Variants in TBX5 observed in about 807,000 individuals in gnomAD.
TBX5 encodes the protein T-box transcription factor 5.
TBX5 carries 8 observed loss-of-function variants against 51.1 expected under a neutral mutation model. The ratio of observed to expected loss-of-function variants is 0.16; its 90% CI spans 0.09 to 0.28. The LOEUF (loss-of-function observed/expected upper bound fraction) is 0.28. Among genes scored for constraint, TBX5 ranks in the 10% least tolerant of loss-of-function variants. The pLI is 1.00. For missense variants in TBX5, 589 were observed against 671.7 expected (o/e 0.88, Z 1.36); for synonymous variants, 302 against 266.4 (o/e 1.13, Z -1.30).
rs371970836 is a variant in TBX5, at chr12:114,385,656, G to GAAATGC, written c.664-95_664-90dup. On this transcript the variant is annotated intron_variant, in intron 6 of 8. Transcript: ENST00000405440. Reference sequence around the variant, plus strand: ...ACATGAGCTAATAATAAATATCATGGAAATGCAGCCTCTGGCAACCAAAAG... The same window carrying GAAATGC: ...ACATGAGCTAATAATAAATATCATGGAAATGCAAATGCAGCCTCTGGCAACCAAAAG... 518 of 1,123,404 alleles carry GAAATGC rather than the reference G, an allele frequency of 4.6e-4. 2 individuals are homozygous for GAAATGC. The African/African-American group carries it at 6.4e-3, about 14-fold the overall frequency. 69.6% of individuals were successfully genotyped at this position (1,123,404 alleles called of 1,614,324 possible). A position where few individuals can be genotyped will look rare whatever the true frequency, so the allele number is the denominator to read the frequency against.
intron 7 of TBX5, among the ~76,000 whole-genome samples, chr12:114,383,676 G>A (rs1175652499): frequency 6.6e-6 from 1 of 152,220 alleles, no homozygotes; most frequent in African/African-American, 2.4e-5. Flanking sequence ...CACCCTGGCA[G>A]AAGGGGGCTG....
At chr12:114,401,693 C>T in intron 3 of TBX5, 133 bp downstream of exon 3, 1 of 812,090 alleles carries the variant, frequency 1.2e-6, no homozygotes, top group Non-Finnish European at 2.1e-6. Flanking sequence ...CCTCTCCTCT[C>T]CTTTCTCTTC....
intron 6 of TBX5, among the ~76,000 whole-genome samples, chr12:114,393,041 C>T (rs1401537870): frequency 6.6e-6 from 1 of 152,158 alleles, no homozygotes; most frequent in African/African-American, 2.4e-5. Context: ...TTGGCCTGTT[C>T]ACAGACAATC....
intron 7 of TBX5, among the ~76,000 whole-genome samples, chr12:114,381,227 T>C (rs1310825763): frequency 6.6e-6 from 1 of 152,216 alleles, no homozygotes; most frequent in Non-Finnish European, 1.5e-5. Flanking sequence ...AAGGTAATGC[T>C]TAACTCTCTG....
At chr12:114,389,690 C>G (rs1871044550) in intron 6 of TBX5, among the ~76,000 whole-genome samples, 1 of 126,816 alleles carries the variant, frequency 7.9e-6, no homozygotes, top group African/African-American at 3.0e-5. Context: ...GGAGGCGGAG[C>G]TTGCAGTGAG....
chr12:114,355,811 G>A lies in TBX5; in HGVS notation c.1278C>T (p.Phe426=), dbSNP rs751745926. The change falls in exon 9 of 9, where the codon TTC becomes TTT. Residue 426 remains phenylalanine (F), a synonymous_variant. Transcript: ENST00000405440. ...GGGGCCCCGAGGTGAAGTGAGCGGA[G>A]AAGTGCTGGTAGGGTAGCCTGTCCA... ...QPMDRLPYQH[F]SAHFTSGPLV... 1 of 1,614,146 alleles carries A rather than the reference G, an allele frequency of 6.2e-7. No homozygotes were observed.
chr12:114,396,402 G>T (rs1487709707), intron 5 of TBX5, among the ~76,000 whole-genome samples: 2 of 152,060 alleles, frequency 1.3e-5, no homozygotes, highest in African/African-American at 4.8e-5. Flanking sequence ...TCAGCGCGAG[G>T]GCGATCTAAT....
At chr12:114,394,984 T>G (rs1194656552) in intron 5 of TBX5, 91 bp from the exon 6 acceptor site, 9 of 1,302,924 alleles carry the variant, frequency 6.9e-6, no homozygotes, top group Non-Finnish European at 9.8e-6. Context: ...TAAATTCGCC[T>G]TGTTATATCG....
At chr12:114,399,488 C>T (rs1871657362) in intron 4 of TBX5, 25 bp downstream of exon 4, 3 of 1,613,882 alleles carry the variant, frequency 1.9e-6, no homozygotes, top group East Asian at 2.2e-5. Context: ...TCTCTCCCCG[C>T]TCCACCTGCC....
chr12:114,358,098 G>A (rs1869021293), intron 8 of TBX5, among the ~76,000 whole-genome samples: 1 of 152,238 alleles, frequency 6.6e-6, no homozygotes, highest in Admixed American at 6.5e-5. Context: ...AGAAGGAACA[G>A]AGGCTGGAAT....
intron 3 of TBX5, among the ~76,000 whole-genome samples, chr12:114,400,735 T>G (rs372144086): frequency 1.3e-5 from 2 of 152,316 alleles, no homozygotes; most frequent in South Asian, 4.2e-4. Flanking sequence ...CTTTCCTTCC[T>G]GGGGGAATAG....
At chr12:114,359,104 T>C (rs1259505378) in intron 8 of TBX5, among the ~76,000 whole-genome samples, 2 of 152,104 alleles carry the variant, frequency 1.3e-5, no homozygotes, top group Non-Finnish European at 2.9e-5. Flanking sequence ...GGAAGAATAA[T>C]AAGAAAACGG....
At position 114,366,182 on chromosome 12, in the gene TBX5, T is replaced by C. The variant is rs759009256; in HGVS notation, c.965A>G (p.His322Arg). ...ACACTCACCTTTCCTCTTGGTACAA[T>C]GGTAAATTTGGCTATGCTCCTGGGG... is the stretch of plus-strand genomic sequence containing the variant. ...PLPQEHSQIY[H>R]CTKRKEEECS... Residue 322 changes from histidine to arginine, a missense_variant, in exon 8 of 9, where the codon CAT (histidine) becomes CGT (arginine). Transcript: ENST00000405440. 8 of 1,614,066 alleles carry C rather than the reference T, an allele frequency of 5.0e-6. No individual in the cohort carries two copies. Among genetic ancestry groups the C allele is most frequent in the East Asian group, 2.2e-5 (1 of 44,880 alleles).
At chr12:114,380,614 G>A (rs747924332) in intron 7 of TBX5, among the ~76,000 whole-genome samples, 8 of 151,978 alleles carry the variant, frequency 5.3e-5, no homozygotes, top group African/African-American at 1.9e-4. Context: ...AGGACATGAG[G>A]ATTGCTTGAG....
At chr12:114,358,717 T>TTGAAAAC (rs1869058521) in intron 8 of TBX5, among the ~76,000 whole-genome samples, 4 of 152,324 alleles carry the variant, frequency 2.6e-5, no homozygotes, top group African/African-American at 7.2e-5. Flanking sequence ...ATGCAGATGT[T>TTGAAAAC]TGAAAACATC....
At chr12:114,379,226 C>G (rs565479840) in intron 7 of TBX5, among the ~76,000 whole-genome samples, 28 of 152,314 alleles carry the variant, frequency 1.8e-4, no homozygotes, top group South Asian at 1.2e-3. Flanking sequence ...AATAAAAGTG[C>G]CTCCCTGGTG....
chr12:114,383,609 G>T (rs1441159300), intron 7 of TBX5, among the ~76,000 whole-genome samples: 1 of 152,190 alleles, frequency 6.6e-6, no homozygotes, highest in Non-Finnish European at 1.5e-5. Context: ...CCCTGGAGGA[G>T]ACCAGAACTG....
chr12:114,395,022 T>C (rs1871345753), intron 5 of TBX5, 129 bp from the exon 6 acceptor site: 2 of 942,848 alleles, frequency 2.1e-6, no homozygotes, highest in South Asian at 1.5e-5. Context: ...ATTTTTCTTC[T>C]GTTTTGAAAA....
chr12:114,361,213 C>G (rs936208747), intron 8 of TBX5, among the ~76,000 whole-genome samples: 1 of 152,202 alleles, frequency 6.6e-6, no homozygotes, highest in Non-Finnish European at 1.5e-5. Context: ...GGCATCTCCC[C>G]TAGTCCAAAG....
Sources: allele counts gnomAD v4.1 joint callset (sites outside exome capture counted in the v4.1 genomes callset), GRCh38; gene constraint gnomAD v4.1.1; transcripts MANE v1.5; gene names NCBI Gene and HGNC (gene_info 2026-07-23, HGNC 2026-07-21).